MIDEAS: variants seen among roughly 807,000 people sequenced by gnomAD.
MIDEAS encodes mitotic deacetylase-associated SANT domain protein.
Under a neutral mutation model 102.7 loss-of-function variants are expected in MIDEAS, and 26 were observed. The observed-to-expected ratio is 0.25, with a 90% CI of 0.19 to 0.35. MIDEAS has a LOEUF of 0.35. MIDEAS is among the 10% of genes least tolerant of loss of function. The pLI, the probability that MIDEAS is intolerant of heterozygous loss-of-function variation, is 1.00. For missense variants in MIDEAS, 1,231 were observed against 1,435.6 expected, an observed-to-expected ratio of 0.86 and a Z score of 2.30; for synonymous variants, 585 against 591.0, an observed-to-expected ratio of 0.99 and a Z score of 0.15.
rs1302076387 is a variant in MIDEAS, at chr14:73,722,786, T to G, written c.2636A>C (p.Lys879Thr). 6.2e-7 allele frequency: 1 copy of G among 1,614,222 alleles called. No homozygotes were observed. Among genetic ancestry groups the G allele is most frequent in the Admixed American group, 1.7e-5 (1 of 60,032 alleles). ...GGTTAGAGTCCCATTGCGGCCGATT[T>G]TCACCTGCTTCTTGTAGGTGTAGTA... ...EFYYTYKKQV[K>T]IGRNGTLTFG... The change falls in exon 10 of 13, where the codon AAA becomes ACA. Residue 879 changes from lysine (K) to threonine (T), a missense_variant. Lys to Thr is a moderately conservative substitution (Grantham distance 78, BLOSUM62 -1). Coordinates refer to ENST00000423556, the MANE Select transcript of MIDEAS (RefSeq NM_001367710.1).
In MIDEAS at chr14:73,739,407, A is replaced by C. The variant is rs1482571748; in HGVS notation, c.602T>G (p.Phe201Cys). 1 of 1,580,046 alleles carries C rather than the reference A, an allele frequency of 6.3e-7. No homozygotes were observed. The highest frequency in any genetic ancestry group is 8.6e-7 in the Non-Finnish European group (1 of 1,161,322). The change falls in exon 2 of 13, where the codon TTC (phenylalanine) becomes TGC (cysteine). Residue 201 changes from phenylalanine (F) to cysteine (C), a missense_variant. This residue lies in a region of MIDEAS where 758 missense variants were observed against 856.0 expected (regional missense o/e 0.89). Coordinates refer to ENST00000423556, the MANE Select transcript of MIDEAS (RefSeq NM_001367710.1). ...VGRPQAPLNS[F>C]HAAKKPPNQS... ...GTTTGGGGGTTTCTTGGCTGCGTGG[A>C]AAGAATTCAGGGGTGCCTGGGGCCG...
intron 1 of MIDEAS, among the ~76,000 whole-genome samples, chr14:73,782,916 C>T (rs2053769363): frequency 1.3e-5 from 2 of 152,200 alleles, no homozygotes; most frequent in African/African-American, 4.8e-5. Context: ...GCTTAATGCT[C>T]AGAATTGAGA....
chr14:73,737,361 C>A, intron 2 of MIDEAS, 64 bp from the exon 3 acceptor site: 1 of 1,499,936 alleles, frequency 6.7e-7, no homozygotes, highest in Non-Finnish European at 9.0e-7. Context: ...CAGTGGCTCA[C>A]GCCTATAATT....
intron 1 of MIDEAS, among the ~76,000 whole-genome samples, chr14:73,770,525 G>C (rs909714765): frequency 6.6e-6 from 1 of 152,158 alleles, no homozygotes. Flanking sequence ...GATTGTGACT[G>C]GGTGGGGATG....
At chr14:73,769,902 G>GTTTTTTTTTTTTTTTTTTTTTTTTTTT (rs796246766) in intron 1 of MIDEAS, among the ~76,000 whole-genome samples, 1 of 109,810 alleles carries the variant, frequency 9.1e-6, no homozygotes, top group Non-Finnish European at 1.8e-5. Flanking sequence ...GCCCGGCTGG[G>GTTTTTTTTTTTTTTTTTTTTTTTTTTT]TTTTTTTTTT....
At chr14:73,727,262 T>G in intron 5 of MIDEAS, 196 bp downstream of exon 5, 1 of 660,954 alleles carries the variant, frequency 1.5e-6, no homozygotes, top group Non-Finnish European at 2.6e-6. Flanking sequence ...GAGCCGGTCC[T>G]TGCCCTTCCC....
chr14:73,761,691 G>A (rs770197919), upstream of MIDEAS, among the ~76,000 whole-genome samples: 12 of 152,134 alleles, frequency 7.9e-5, no homozygotes, highest in East Asian at 1.9e-4. Context: ...AAAAAAGCCC[G>A]GGCTCCCCGA....
At chr14:73,777,936 T>C (rs1044554019) in intron 1 of MIDEAS, among the ~76,000 whole-genome samples, 2 of 151,956 alleles carry the variant, frequency 1.3e-5, no homozygotes, top group Admixed American at 6.6e-5. Flanking sequence ...CACCTTAAAG[T>C]GGGGACCTGA....
At chr14:73,766,070 A>T (rs1348374852) in intron 1 of MIDEAS, among the ~76,000 whole-genome samples, 1 of 152,104 alleles carries the variant, frequency 6.6e-6, no homozygotes, top group East Asian at 1.9e-4. Flanking sequence ...CTCCAGAGAC[A>T]ATTTCTTAAA....
At chr14:73,745,690 A>C (rs2053342196) in intron 1 of MIDEAS, among the ~76,000 whole-genome samples, 2 of 152,050 alleles carry the variant, frequency 1.3e-5, no homozygotes, top group African/African-American at 4.8e-5. Flanking sequence ...CCCCATCTGC[A>C]ATGCTACATG....
intron 1 of MIDEAS, among the ~76,000 whole-genome samples, chr14:73,745,235 T>C (rs1420422665): frequency 6.6e-6 from 1 of 152,012 alleles, no homozygotes; most frequent in Non-Finnish European, 1.5e-5. Flanking sequence ...CCTCTACACC[T>C]ATGTGGAACA....
chr14:73,723,092 G>A, intron 9 of MIDEAS: 1 of 364,130 alleles, frequency 2.7e-6, no homozygotes, highest in Non-Finnish European at 5.0e-6. Flanking sequence ...GACAATGTCG[G>A]AACCACTCGG....
At chr14:73,768,176 A>T (rs1295936693) in intron 1 of MIDEAS, among the ~76,000 whole-genome samples, 1 of 152,190 alleles carries the variant, frequency 6.6e-6, no homozygotes, top group Non-Finnish European at 1.5e-5. Flanking sequence ...CAAAAAAATT[A>T]AAAAATAAAA....
chr14:73,725,453 G>A lies in MIDEAS; in HGVS notation c.2486-93C>T, dbSNP rs534520997. 1.5e-5 allele frequency: 15 copies of A among 1,016,394 alleles called. No individual in the cohort carries two copies. The highest frequency in any genetic ancestry group is 2.4e-5 in the East Asian group (1 of 41,512). 63.0% of individuals were successfully genotyped at this position (1,016,394 alleles called of 1,614,324 possible). The stretch of plus-strand genomic sequence containing the variant: ...CAAGCAAAAAAGTGTGAGGCCATCC[G>A]CCCATGGTTTCTGCAGGCATCAGAG... On this transcript the variant is annotated intron_variant, in intron 8 of 12. Coordinates refer to ENST00000423556, the MANE Select transcript of MIDEAS (RefSeq NM_001367710.1). The surrounding 1 kb of genome is among the most constrained non-coding windows in gnomAD (Gnocchi z 4.1).
At chr14:73,723,439 A>G (rs1186029196) in intron 9 of MIDEAS, 1 of 152,198 alleles carries the variant, frequency 6.6e-6, no homozygotes, top group Non-Finnish European at 1.5e-5. Context: ...GGCGTGAGCT[A>G]CCTCGCCTGG....
chr14:73,764,137 C>T (rs1213036133), upstream of MIDEAS, among the ~76,000 whole-genome samples: 1 of 151,932 alleles, frequency 6.6e-6, no homozygotes, highest in Non-Finnish European at 1.5e-5. Context: ...TCCAGGAGTT[C>T]GAGACCAGCC....
intron 2 of MIDEAS, 115 bp from the exon 3 acceptor site, chr14:73,737,412 C>T (rs1186496288): frequency 1.6e-6 from 2 of 1,216,878 alleles, no homozygotes; most frequent in African/African-American, 1.5e-5. Flanking sequence ...TCACTTGACG[C>T]CACAAGTTCA....
intron 1 of MIDEAS, among the ~76,000 whole-genome samples, chr14:73,753,523 A>G (rs2053446900): frequency 6.6e-6 from 1 of 152,226 alleles, no homozygotes; most frequent in South Asian, 2.1e-4. Context: ...ATGAGGTAAT[A>G]CATAGATGAA....
rs199997102 is a variant in MIDEAS at position 73,779,572 on chromosome 14, TA to T, written c.-248+7529del. Among the ~76,000 whole-genome samples, 95 of 28,310 alleles carry T rather than the reference TA, an allele frequency of 3.4e-3. 1 individual carries two copies. The highest frequency in any genetic ancestry group is 9.9e-3 in the East Asian group (2 of 202). 18.6% of individuals were successfully genotyped at this position (28,310 alleles called of 152,430 possible). ...TTAATTTGTTTATTATTATTATTAT[TA>T]TTTTTTTTTTTTTTTGAGACGGAGT... On this transcript the variant is annotated intron_variant, in intron 1 of 11. Transcript: ENST00000394071.
Sources: gnomAD v4.1 joint callset for allele counts (sites outside exome capture counted in the v4.1 genomes callset) on GRCh38, gnomAD v4.1.1 for gene constraint, gnomAD v4.1.1 regional missense constraint, Gnocchi (gnomAD v3.1) non-coding constraint, MANE v1.5 for transcripts, NCBI Gene and HGNC (gene_info 2026-07-23, HGNC 2026-07-21) for gene names.